The following NRG1 variants were observed in gnomAD, a reference collection of about 807,000 sequenced individuals.
NRG1 encodes neuregulin 1.
NRG1 carries 18 observed loss-of-function variants against 63.8 expected under a neutral mutation model. The observed-to-expected ratio is 0.28, with a 90% CI of 0.19 to 0.42. The LOEUF is 0.42. NRG1 is among the 10% of genes least tolerant of loss of function. The pLI is 1.00. For synonymous variants in NRG1, 302 were observed against 301.3 expected, an observed-to-expected ratio of 1.00 and a Z score of -0.02; for missense variants, 762 against 814.7, an observed-to-expected ratio of 0.94 and a Z score of 0.79.
At chr8:32,438,193 C>A (rs1212600006) in intron 1 of NRG1, among the ~76,000 whole-genome samples, 1 of 152,148 alleles carries the variant, frequency 6.6e-6, no homozygotes, top group Non-Finnish European at 1.5e-5. Context: ...CCTTTGCCCA[C>A]CCTCACCTTA....
At chr8:32,120,200 A>G (rs535946774) in intron 1 of NRG1, among the ~76,000 whole-genome samples, 1 of 152,232 alleles carries the variant, frequency 6.6e-6, no homozygotes, top group East Asian at 1.9e-4. Context: ...TATTATGAAA[A>G]CATTTCAAAA....
intron 1 of NRG1, among the ~76,000 whole-genome samples, chr8:31,954,190 C>G (rs1288285583): frequency 2.6e-5 from 4 of 152,128 alleles, no homozygotes; most frequent in Non-Finnish European, 5.9e-5. Context: ...AGCCCTGGAG[C>G]TGGAACAGAC....
At chr8:31,773,331 G>T (rs1338784530) in intron 1 of NRG1, among the ~76,000 whole-genome samples, 1 of 152,202 alleles carries the variant, frequency 6.6e-6, no homozygotes. Flanking sequence ...CAGTGTCAGA[G>T]TGAAGGAGTC....
At chr8:32,378,494 T>A (rs572113579) in intron 1 of NRG1, among the ~76,000 whole-genome samples, 1 of 152,298 alleles carries the variant, frequency 6.6e-6, no homozygotes, top group East Asian at 1.9e-4. Context: ...AGCTCCAATT[T>A]ATAGCACCTA....
At chr8:31,901,917 T>A (rs966239208) in intron 1 of NRG1, among the ~76,000 whole-genome samples, 25 of 152,228 alleles carry the variant, frequency 1.6e-4, no homozygotes, top group African/African-American at 5.8e-4. Flanking sequence ...AAGGTCATTA[T>A]CTGTTCTGTT....
rs73586511 is a variant in NRG1, at chr8:31,954,246, G to T, written c.37+314815G>T. The stretch of plus-strand genomic sequence containing the variant: ...GATATTCCATTCCAACCCCCATTTA[G>T]AGGTGAAGACACTGAAATAACTTGA... On this transcript the variant is annotated intron_variant, in intron 1 of 10. Coordinates refer to the NRG1 transcript ENST00000519301. Among the ~76,000 whole-genome samples, 693 of 152,238 alleles carry T rather than the reference G, an allele frequency of 4.6e-3. 2 individuals are homozygous for T. The highest frequency in any genetic ancestry group is 0.016 in the African/African-American group (666 of 41,558).
At chr8:31,644,271 T>C (rs981541431) in intron 1 of NRG1, among the ~76,000 whole-genome samples, 4 of 152,216 alleles carry the variant, frequency 2.6e-5, no homozygotes, top group East Asian at 3.8e-4. Flanking sequence ...ACTTTATAAA[T>C]CTTGCTGTCA....
At chr8:31,952,624 T>C (rs1300705085) in intron 1 of NRG1, among the ~76,000 whole-genome samples, 3 of 152,282 alleles carry the variant, frequency 2.0e-5, no homozygotes, top group Admixed American at 6.5e-5. Context: ...GATCTAATTA[T>C]TTTAGATCAT....
At chr8:32,425,823 T>G (rs1444192569) in intron 1 of NRG1, among the ~76,000 whole-genome samples, 1 of 152,142 alleles carries the variant, frequency 6.6e-6, no homozygotes, top group Admixed American at 6.5e-5. Flanking sequence ...ATACATGAAT[T>G]TATTTATTTG....
intron 1 of NRG1, among the ~76,000 whole-genome samples, chr8:31,748,593 T>C (rs972687208): frequency 1.3e-5 from 2 of 152,096 alleles, no homozygotes; most frequent in South Asian, 4.1e-4. Flanking sequence ...GTGACATTTT[T>C]AGTCCAAGAC....
At chr8:32,172,374 G>C (rs1432261840) in intron 1 of NRG1, among the ~76,000 whole-genome samples, 1 of 152,180 alleles carries the variant, frequency 6.6e-6, no homozygotes, top group Non-Finnish European at 1.5e-5. Context: ...ACCAAAGGTA[G>C]ATAAAAGCAG....
intron 1 of NRG1, among the ~76,000 whole-genome samples, chr8:32,004,373 C>T (rs1036517763): frequency 5.9e-5 from 9 of 151,504 alleles, no homozygotes; most frequent in African/African-American, 9.7e-5. Context: ...TGCACAACAC[C>T]GAGAGTGAAA....
chr8:31,852,031 C>T (rs1827287656), intron 1 of NRG1, among the ~76,000 whole-genome samples: 3 of 148,864 alleles, frequency 2.0e-5, no homozygotes, highest in Admixed American at 6.7e-5. Flanking sequence ...GGGTTGGTTC[C>T]AAGTCTTTGC....
intron 1 of NRG1, among the ~76,000 whole-genome samples, chr8:32,086,171 T>C (rs1331229121): frequency 6.6e-6 from 1 of 152,220 alleles, no homozygotes; most frequent in African/African-American, 2.4e-5. Context: ...TATTTTGTTT[T>C]AGCAATTTAA....
rs112210311 is a variant in NRG1, at chr8:32,138,708, G to A, written c.38-457120G>A. ...CTCCCAAGTAGCTGAGTTTATAGGC[G>A]CCCACCACCAAGCGCAGCTAACTTT... On this transcript the variant is annotated intron_variant, in intron 1 of 10. Coordinates refer to the NRG1 transcript ENST00000519301. Among the ~76,000 whole-genome samples, 897 of 151,890 alleles carry A rather than the reference G, an allele frequency of 5.9e-3. 16 individuals are homozygous for A. The highest frequency in any genetic ancestry group is 0.02 in the African/African-American group (822 of 41,394).
chr8:31,738,107 G>A (rs1213094456), intron 1 of NRG1, among the ~76,000 whole-genome samples: 1 of 152,068 alleles, frequency 6.6e-6, no homozygotes, highest in African/African-American at 2.4e-5. Context: ...TTTGGAAAGG[G>A]GTAAAACCAG....
intron 1 of NRG1, among the ~76,000 whole-genome samples, chr8:32,101,270 A>T (rs970443621): frequency 6.6e-6 from 1 of 152,152 alleles, no homozygotes; most frequent in African/African-American, 2.4e-5. Context: ...CACTTTCCCC[A>T]GGTTTCAGTA....
intron 1 of NRG1, chr8:32,026,414 T>A (rs1175698221): frequency 6.6e-6 from 1 of 152,164 alleles, no homozygotes; most frequent in Non-Finnish European, 1.5e-5. Flanking sequence ...CTTACATGGG[T>A]CTTTTTCTAT....
upstream of NRG1, among the ~76,000 whole-genome samples, chr8:32,544,618 C>T (rs1271148442): frequency 6.6e-6 from 1 of 151,286 alleles, no homozygotes; most frequent in African/African-American, 2.4e-5. Context: ...ATCCTCCCAC[C>T]TCAACCTCCC....
Sources: allele counts gnomAD v4.1 joint callset (sites outside exome capture counted in the v4.1 genomes callset), GRCh38; gene constraint gnomAD v4.1.1; transcripts MANE v1.5; gene names NCBI Gene and HGNC (gene_info 2026-07-23, HGNC 2026-07-21).